GABRA2: variants seen among roughly 807,000 people sequenced by gnomAD.
The protein encoded by GABRA2 is gamma-aminobutyric acid type A receptor subunit alpha2, also known as gamma-aminobutyric acid receptor subunit alpha-2.
GABRA2 carries 16 observed loss-of-function variants against 48.7 expected under a neutral mutation model. The observed-to-expected ratio is 0.33, with a 90% confidence interval of 0.22 to 0.50. The LOEUF (loss-of-function observed/expected upper bound fraction) is 0.50. Among genes scored for constraint, GABRA2 ranks in the 20% least tolerant of loss-of-function variants. The pLI is 0.98. For synonymous variants in GABRA2, 185 were observed against 184.5 expected, an observed-to-expected ratio of 1.00 and a Z score of -0.02; for missense variants, 275 against 535.6, an observed-to-expected ratio of 0.51 and a Z score of 4.80.
chr4:46,308,881 A>T (rs369969809), intron 6 of GABRA2, among the ~76,000 whole-genome samples: 1 of 150,198 alleles, frequency 6.7e-6, no homozygotes, highest in Admixed American at 6.7e-5. Context: ...AAAAAAAAAA[A>T]GTCCTTTTTA....
At chr4:46,275,957 C>T (rs1479627068) in intron 8 of GABRA2, among the ~76,000 whole-genome samples, 1 of 151,858 alleles carries the variant, frequency 6.6e-6, no homozygotes, top group African/African-American at 2.4e-5. Flanking sequence ...AATTTGGCTG[C>T]AGTGAAAGTA....
rs74511192 is a variant in GABRA2, at chr4:46,337,666, A to G, written c.188-4984T>C. On this transcript the variant is annotated intron_variant, in intron 3 of 9. Transcript: ENST00000381620. ...TGTTAAGACCAAAAAAAAAAAAAAA[A>G]AGAGACTGAGATTAGCAAATGGTAG... 4.1e-3 allele frequency among the ~76,000 whole-genome samples: 623 copies of G among 151,546 alleles called. 4 individuals are homozygous for G. The highest frequency in any genetic ancestry group is 0.014 in the African/African-American group (595 of 41,400).
At chr4:46,288,026 T>C (rs542701045) in intron 8 of GABRA2, among the ~76,000 whole-genome samples, 1 of 152,206 alleles carries the variant, frequency 6.6e-6, no homozygotes, top group Admixed American at 6.5e-5. Flanking sequence ...CATATAAAAC[T>C]GTCAGATCTC....
intron 8 of GABRA2, among the ~76,000 whole-genome samples, chr4:46,300,084 C>T (rs1032686325): frequency 2.0e-5 from 3 of 151,716 alleles, no homozygotes; most frequent in Admixed American, 6.6e-5. Flanking sequence ...AATGACTCAC[C>T]TTTCTTTATA....
chr4:46,294,749 T>C (rs1474986801), intron 8 of GABRA2, among the ~76,000 whole-genome samples: 2 of 152,204 alleles, frequency 1.3e-5, no homozygotes, highest in Non-Finnish European at 2.9e-5. Context: ...AACTACTCTT[T>C]TTTTTTGAGA....
intron 4 of GABRA2, among the ~76,000 whole-genome samples, chr4:46,323,341 C>T (rs554335620): frequency 4.6e-5 from 7 of 152,036 alleles, no homozygotes; most frequent in Non-Finnish European, 8.8e-5. Flanking sequence ...TCTTCCAATT[C>T]GTGCTAAAAT....
intron 8 of GABRA2, among the ~76,000 whole-genome samples, chr4:46,282,683 A>G (rs1721760297): frequency 6.6e-6 from 1 of 152,202 alleles, no homozygotes; most frequent in Admixed American, 6.5e-5. Context: ...ATTTTGCAAA[A>G]TGATTATTGT....
chr4:46,358,831 CTTGGTAGAAT>C (rs1712657389), intron 3 of GABRA2, among the ~76,000 whole-genome samples: 1 of 152,146 alleles, frequency 6.6e-6, no homozygotes. Context: ...AACTTGGCTA[CTTGGTAGAAT>C]TTGTCCATTT....
At chr4:46,272,133 G>A (rs1041495077) in intron 8 of GABRA2, among the ~76,000 whole-genome samples, 4 of 151,948 alleles carry the variant, frequency 2.6e-5, no homozygotes, top group African/African-American at 4.8e-5. Flanking sequence ...TATAGCTCAA[G>A]TTTTGCAATC....
intron 8 of GABRA2, among the ~76,000 whole-genome samples, chr4:46,300,611 T>C (rs954840409): frequency 6.6e-6 from 1 of 152,006 alleles, no homozygotes; most frequent in African/African-American, 2.4e-5. Context: ...ATCAAATTGA[T>C]ACTATAAGGA....
intron 3 of GABRA2, among the ~76,000 whole-genome samples, chr4:46,376,350 C>T (rs748363682): frequency 6.6e-6 from 1 of 152,104 alleles, no homozygotes; most frequent in Non-Finnish European, 1.5e-5. Flanking sequence ...TGCTTATGGT[C>T]CAATTTATCC....
intron 4 of GABRA2, among the ~76,000 whole-genome samples, chr4:46,319,741 G>A (rs1490790924): frequency 6.6e-6 from 1 of 151,606 alleles, no homozygotes; most frequent in African/African-American, 2.4e-5. Flanking sequence ...GGAACTAGGG[G>A]CCAGGCAAAT....
chr4:46,299,103 T>C (rs1404738632), intron 8 of GABRA2, among the ~76,000 whole-genome samples: 6 of 151,576 alleles, frequency 4.0e-5, no homozygotes, highest in Non-Finnish European at 8.9e-5. Flanking sequence ...TCAAATATTC[T>C]GTAATAAAAT....
At chr4:46,329,029 A>G (rs934398642) in intron 4 of GABRA2, among the ~76,000 whole-genome samples, 1 of 152,114 alleles carries the variant, frequency 6.6e-6, no homozygotes, top group Admixed American at 6.6e-5. Flanking sequence ...ACTTGTGTCT[A>G]TAAGTTATTC....
chr4:46,388,319 G>A (rs147427727), intron 2 of GABRA2, among the ~76,000 whole-genome samples: 218 of 152,126 alleles, frequency 1.4e-3, no homozygotes, highest in South Asian at 3.7e-3. Context: ...CTTCCTTATC[G>A]AATCCTGGTG....
intron 3 of GABRA2, among the ~76,000 whole-genome samples, chr4:46,339,160 A>G (rs1253931835): frequency 1.3e-5 from 2 of 151,850 alleles, no homozygotes; most frequent in Non-Finnish European, 2.9e-5. Flanking sequence ...TCTGTTTGCC[A>G]TATATATCTA....
At chr4:46,358,351 T>C (rs1736341453) in intron 3 of GABRA2, among the ~76,000 whole-genome samples, 3 of 152,238 alleles carry the variant, frequency 2.0e-5, no homozygotes. Context: ...TAACCTGCTA[T>C]ACTGTGTCAG....
At chr4:46,258,088 A>G (rs979764304) in intron 9 of GABRA2, among the ~76,000 whole-genome samples, 1 of 151,806 alleles carries the variant, frequency 6.6e-6, no homozygotes, top group Non-Finnish European at 1.5e-5. Context: ...ATTACCTCGT[A>G]AGTTAAAAGG....
At chr4:46,276,032 C>T (rs910630791) in intron 8 of GABRA2, among the ~76,000 whole-genome samples, 2 of 151,818 alleles carry the variant, frequency 1.3e-5, no homozygotes, top group African/African-American at 2.4e-5. Context: ...GTGGAAAAGT[C>T]GATATTTTCT....
Sources: allele counts gnomAD v4.1 joint callset (sites outside exome capture counted in the v4.1 genomes callset), GRCh38; gene constraint gnomAD v4.1.1; transcripts MANE v1.5; gene names NCBI Gene and HGNC (gene_info 2026-07-23, HGNC 2026-07-21).